The following STXBP5L variants were observed in gnomAD, a reference collection of about 807,000 sequenced individuals.
The protein encoded by STXBP5L is syntaxin-binding protein 5-like.
In STXBP5L, 65 loss-of-function variants were observed where a neutral mutation model predicts 144.5. That is an observed-to-expected ratio of 0.45 (90% CI 0.37 to 0.55). The LOEUF is 0.55. Among genes scored for constraint, STXBP5L ranks in the 20% least tolerant of loss-of-function variants. The pLI is 0.00. For synonymous variants in STXBP5L, 505 were observed against 469.6 expected (o/e 1.08, Z -0.97); for missense variants, 1,298 against 1,405.5 (o/e 0.92, Z 1.22).
At chr3:121,090,625 A>G (rs1275220730) in intron 5 of STXBP5L, among the ~76,000 whole-genome samples, 2 of 152,138 alleles carry the variant, frequency 1.3e-5, no homozygotes, top group Non-Finnish European at 2.9e-5. Flanking sequence ...AAGGAGGTAT[A>G]TACAGATCTG....
intron 3 of STXBP5L, among the ~76,000 whole-genome samples, chr3:120,994,648 T>C (rs1943195110): frequency 6.6e-6 from 1 of 152,196 alleles, no homozygotes; most frequent in South Asian, 2.1e-4. Context: ...GATCATGCTA[T>C]ATTATCTTTC....
intron 22 of STXBP5L, among the ~76,000 whole-genome samples, chr3:121,406,184 C>CGTTA (rs2046990112): frequency 6.6e-6 from 1 of 151,916 alleles, no homozygotes; most frequent in Admixed American, 6.6e-5. Flanking sequence ...TAGCCTCTGC[C>CGTTA]GTTACCCTTA....
intron 9 of STXBP5L, among the ~76,000 whole-genome samples, chr3:121,161,408 TG>T (rs1248347172): frequency 1.3e-5 from 2 of 152,060 alleles, no homozygotes; most frequent in Non-Finnish European, 2.9e-5. Flanking sequence ...GCTTGAATTT[TG>T]CTTCCTCTTT....
intron 2 of STXBP5L, among the ~76,000 whole-genome samples, chr3:120,948,025 A>C (rs1164972454): frequency 1.3e-5 from 2 of 151,800 alleles, no homozygotes; most frequent in Non-Finnish European, 2.9e-5. Context: ...GGAACTACCA[A>C]TCTATTTTCC....
intron 18 of STXBP5L, among the ~76,000 whole-genome samples, chr3:121,267,074 T>C (rs2050588936): frequency 6.6e-6 from 1 of 152,190 alleles, no homozygotes; most frequent in African/African-American, 2.4e-5. Flanking sequence ...AAATTTCATA[T>C]GGAACCAAAA....
At chr3:121,220,864 A>G (rs1040255085) in intron 10 of STXBP5L, among the ~76,000 whole-genome samples, 1 of 152,030 alleles carries the variant, frequency 6.6e-6, no homozygotes, top group African/African-American at 2.4e-5. Context: ...AATGGGACTA[A>G]TAGTACTTTC....
intron 22 of STXBP5L, among the ~76,000 whole-genome samples, chr3:121,391,301 G>C (rs554118104): frequency 4.6e-5 from 7 of 152,178 alleles, no homozygotes; most frequent in Admixed American, 4.6e-4. Context: ...CTTTTTTCAA[G>C]CTTTTTACCT....
At chr3:121,162,016 AC>A (rs1467093912) in intron 9 of STXBP5L, among the ~76,000 whole-genome samples, 1 of 152,180 alleles carries the variant, frequency 6.6e-6, no homozygotes, top group Non-Finnish European at 1.5e-5. Context: ...AATTAGGAAA[AC>A]TATTACATGT....
intron 3 of STXBP5L, among the ~76,000 whole-genome samples, chr3:121,035,491 T>C (rs1222299632): frequency 2.0e-5 from 3 of 152,288 alleles, no homozygotes; most frequent in Middle Eastern, 3.4e-3. Flanking sequence ...TATGTTTTCA[T>C]TGACTTTATT....
intron 3 of STXBP5L, among the ~76,000 whole-genome samples, chr3:121,023,455 G>T (rs766470104): frequency 6.6e-6 from 1 of 152,156 alleles, no homozygotes; most frequent in African/African-American, 2.4e-5. Context: ...AAAGCAAAAA[G>T]AACAAATATG....
At chr3:121,050,757 A>G (rs975103385) in intron 5 of STXBP5L, among the ~76,000 whole-genome samples, 3 of 152,196 alleles carry the variant, frequency 2.0e-5, no homozygotes, top group Non-Finnish European at 4.4e-5. Flanking sequence ...ATATAAATGG[A>G]CTAAATGCTC....
At chr3:121,015,211 C>T (rs1945057570) in intron 3 of STXBP5L, among the ~76,000 whole-genome samples, 2 of 152,018 alleles carry the variant, frequency 1.3e-5, no homozygotes, top group Admixed American at 6.6e-5. Flanking sequence ...AAGAAGTTGA[C>T]CCAGCTAGGG....
intron 5 of STXBP5L, among the ~76,000 whole-genome samples, chr3:121,049,003 CA>C (rs1947734914): frequency 6.6e-6 from 1 of 152,142 alleles, no homozygotes; most frequent in South Asian, 2.1e-4. Context: ...TGCAGGGCAG[CA>C]AAAATGGTGG....
chr3:121,160,861 TA>T (rs1371733929), intron 9 of STXBP5L, among the ~76,000 whole-genome samples: 4 of 152,164 alleles, frequency 2.6e-5, no homozygotes, highest in African/African-American at 9.6e-5. Flanking sequence ...TATTTTCACA[TA>T]TTTTTTATTG....
intron 22 of STXBP5L, among the ~76,000 whole-genome samples, chr3:121,388,769 C>T (rs533330280): frequency 2.4e-4 from 37 of 152,194 alleles, no homozygotes; most frequent in Non-Finnish European, 4.1e-4. Flanking sequence ...ATAAGCTTTT[C>T]GATGTGCTGC....
intron 19 of STXBP5L, among the ~76,000 whole-genome samples, chr3:121,315,127 A>G (rs2043735834): frequency 6.6e-6 from 1 of 152,158 alleles, no homozygotes; most frequent in Non-Finnish European, 1.5e-5. Flanking sequence ...CAGCCATCCC[A>G]TTACTGGGTA....
At chr3:121,321,313 G>A in intron 20 of STXBP5L, among the ~76,000 whole-genome samples, 1 of 151,990 alleles carries the variant, frequency 6.6e-6, no homozygotes, top group Admixed American at 6.6e-5. Context: ...GCATCCTTCT[G>A]GGAAAAGTGC....
intron 3 of STXBP5L, among the ~76,000 whole-genome samples, chr3:121,012,039 G>T (rs2108139874): frequency 6.6e-6 from 1 of 151,714 alleles, no homozygotes; most frequent in African/African-American, 2.4e-5. Flanking sequence ...TTTCCTTATT[G>T]TGGAAATTTT....
rs766443187 is a variant in STXBP5L, at chr3:121,157,599, T to C, written c.849T>C (p.Ser283=). 26 of 1,603,718 alleles carry C rather than the reference T, an allele frequency of 1.6e-5. No individual in the cohort carries two copies. The highest frequency in any genetic ancestry group is 2.0e-5 in the Non-Finnish European group (24 of 1,175,782). The part of the protein sequence containing the change: ...SLTLWNLKSP[S]RPFQTTIPHG... Reference sequence around the variant, plus strand: ...CTTTATGGAACCTGAAAAGCCCAAGTCGCCCTTTCCAGACCACAATTCCAC... The same window carrying C: ...CTTTATGGAACCTGAAAAGCCCAAGCCGCCCTTTCCAGACCACAATTCCAC... Residue 283 remains serine, a synonymous_variant, in exon 9 of 27, where the codon AGT becomes AGC. Coordinates refer to ENST00000471454, the MANE Select transcript of STXBP5L (RefSeq NM_001308330.2).
Sources: allele counts gnomAD v4.1 joint callset (sites outside exome capture counted in the v4.1 genomes callset), GRCh38; gene constraint gnomAD v4.1.1; transcripts MANE v1.5; gene names NCBI Gene and HGNC (gene_info 2026-07-23, HGNC 2026-07-21).